Variants in RNGTT observed in about 807,000 individuals in gnomAD.
RNGTT encodes RNA guanylyltransferase and 5'-phosphatase.
In RNGTT, 33 loss-of-function variants were observed where a neutral mutation model predicts 79.3. The ratio of observed to expected loss-of-function variants is 0.42; its 90% confidence interval spans 0.32 to 0.56. The LOEUF (loss-of-function observed/expected upper bound fraction) is 0.56. Among genes scored for constraint, RNGTT ranks in the 20% least tolerant of loss-of-function variants. The pLI is 0.17. For missense variants in RNGTT, 497 were observed against 739.1 expected (o/e 0.67, Z 3.80); for synonymous variants, 222 against 235.9 (o/e 0.94, Z 0.54).
In RNGTT at chr6:88,612,829, T is replaced by G; in HGVS notation, c.1684A>C (p.Ile562Leu). The G allele has an allele frequency of 6.2e-7, 1 of 1,613,810 alleles. No homozygotes were observed. The highest frequency in any genetic ancestry group is 8.5e-7 in the Non-Finnish European group (1 of 1,179,960). ...TGAGAAGCTGCAGTACATCTGTCGATGAACTCAAACAGCATCTCCTTGGTG... is the reference window on the plus strand; with the variant it reads ...TGAGAAGCTGCAGTACATCTGTCGAGGAACTCAAACAGCATCTCCTTGGTG... ...PVTKEMLFEF[I>L]DRCTAASQGQ... Residue 562 changes from isoleucine (I) to leucine (L), a missense_variant, in exon 16 of 16, where the codon ATC becomes CTC. Coordinates refer to ENST00000369485, the MANE Select transcript of RNGTT (RefSeq NM_003800.5).
chr6:88,731,187 TAAAAAC>T lies in RNGTT; in HGVS notation c.1439+38581_1439+38586del, dbSNP rs1333571487. Among the ~76,000 whole-genome samples, 3 of 151,504 alleles carry T rather than the reference TAAAAAC, an allele frequency of 2.0e-5. No homozygotes were observed. The East Asian group carries it at 5.8e-4, about 29-fold the overall frequency. On this transcript the variant is annotated intron_variant, in intron 13 of 15. Coordinates refer to ENST00000369485, the MANE Select transcript of RNGTT (RefSeq NM_003800.5). ...GAATAAAAGCCCCCCCAAAAAAACATAAAAACAAGGACAAAACAAAAAACAAAAAGC... is the reference window on the plus strand; with the variant it reads ...GAATAAAAGCCCCCCCAAAAAAACATAAGGACAAAACAAAAAACAAAAAGC...
At chr6:88,615,086 ACG>A (rs777075900) in intron 14 of RNGTT, among the ~76,000 whole-genome samples, 2 of 152,216 alleles carry the variant, frequency 1.3e-5, no homozygotes, top group Non-Finnish European at 2.9e-5. Context: ...CATGGTAACT[ACG>A]AACCTTTTAA....
At chr6:88,813,991 G>C (rs115741840) in intron 11 of RNGTT, among the ~76,000 whole-genome samples, 1,986 of 152,198 alleles carry the variant, frequency 0.013, 38 homozygotes, top group African/African-American at 0.045. Flanking sequence ...GAATAACACA[G>C]TGCAAGAATC....
chr6:88,877,700 G>C (rs1300355741), intron 8 of RNGTT, among the ~76,000 whole-genome samples: 3 of 152,120 alleles, frequency 2.0e-5, no homozygotes, highest in Non-Finnish European at 4.4e-5. Context: ...GAGTCAAAGA[G>C]TCCTTCTTTT....
At chr6:88,901,087 A>G (rs1269149312) in intron 6 of RNGTT, among the ~76,000 whole-genome samples, 1 of 151,866 alleles carries the variant, frequency 6.6e-6, no homozygotes, top group Admixed American at 6.6e-5. Context: ...GCTTGCAGTG[A>G]GCCAAGATCG....
chr6:88,755,863 A>C (rs780705434), intron 13 of RNGTT, among the ~76,000 whole-genome samples: 10 of 146,930 alleles, frequency 6.8e-5, no homozygotes, highest in Non-Finnish European at 1.2e-4. Flanking sequence ...TAGGAGGCTG[A>C]GGCAGAGAAC....
At chr6:88,782,236 C>T (rs1779088240) in intron 12 of RNGTT, among the ~76,000 whole-genome samples, 1 of 152,056 alleles carries the variant, frequency 6.6e-6, no homozygotes. Context: ...TTCAATCTAA[C>T]ATAGTACCCT....
intron 12 of RNGTT, among the ~76,000 whole-genome samples, chr6:88,801,213 A>G (rs960252009): frequency 2.0e-5 from 3 of 152,214 alleles, no homozygotes; most frequent in Non-Finnish European, 2.9e-5. Flanking sequence ...AAGTATACCA[A>G]GTTACAAAAG....
At position 88,671,983 on chromosome 6, in the gene RNGTT, A is replaced by G. The variant is rs149867280; in HGVS notation, c.1506+6370T>C. ...AACTCAAGACAGATTAAAGACTTAAATTTAAGACCTGAAACCATAAACATT... is the reference window on the plus strand; with the variant it reads ...AACTCAAGACAGATTAAAGACTTAAGTTTAAGACCTGAAACCATAAACATT... On this transcript the variant is annotated intron_variant, in intron 14 of 15. Transcript: ENST00000369485. 2.0e-3 allele frequency among the ~76,000 whole-genome samples: 312 copies of G among 152,284 alleles called. 2 individuals carry two copies. Among genetic ancestry groups the G allele is most frequent in the African/African-American group, 7.3e-3 (305 of 41,554 alleles).
chr6:88,950,401 T>C (rs964934742), intron 1 of RNGTT, among the ~76,000 whole-genome samples: 1 of 152,118 alleles, frequency 6.6e-6, no homozygotes, highest in Non-Finnish European at 1.5e-5. Flanking sequence ...GGTCTTATTA[T>C]TTAAGAAATA....
At chr6:88,883,713 C>T (rs891724009) in intron 8 of RNGTT, among the ~76,000 whole-genome samples, 1 of 151,884 alleles carries the variant, frequency 6.6e-6, no homozygotes. Context: ...TGAGAGAATT[C>T]TTCTTCAATC....
intron 13 of RNGTT, among the ~76,000 whole-genome samples, chr6:88,748,702 G>A (rs190541127): frequency 6.6e-6 from 1 of 151,952 alleles, no homozygotes; most frequent in East Asian, 1.9e-4. Context: ...AATAGTAACT[G>A]CAAATACAGA....
chr6:88,616,525 A>T (rs2756370), intron 14 of RNGTT, among the ~76,000 whole-genome samples: 32,847 of 150,278 alleles, frequency 0.22, 4,141 homozygotes, highest in African/African-American at 0.37. Flanking sequence ...TTTTTTTTTT[A>T]AAAAAAATTG....
intron 6 of RNGTT, among the ~76,000 whole-genome samples, chr6:88,904,308 A>G (rs186736747): frequency 1.8e-3 from 276 of 152,326 alleles, no homozygotes; most frequent in Non-Finnish European, 3.2e-3. Flanking sequence ...CACAGTGGCT[A>G]ATGCCAGTAA....
chr6:88,951,277 T>C (rs1211041709), intron 1 of RNGTT, among the ~76,000 whole-genome samples: 1 of 152,162 alleles, frequency 6.6e-6, no homozygotes, highest in Non-Finnish European at 1.5e-5. Context: ...TTTCCTGATA[T>C]GGAATCTAGC....
intron 13 of RNGTT, among the ~76,000 whole-genome samples, chr6:88,720,643 A>G (rs1158831627): frequency 6.6e-6 from 1 of 152,134 alleles, no homozygotes; most frequent in East Asian, 1.9e-4. Flanking sequence ...GGTATTTGCT[A>G]TGTCATTAAT....
chr6:88,952,827 G>A (rs1365357223), intron 1 of RNGTT, among the ~76,000 whole-genome samples: 1 of 152,088 alleles, frequency 6.6e-6, no homozygotes, highest in African/African-American at 2.4e-5. Context: ...CTTAGGGCCT[G>A]GTAACTCCAC....
At chr6:88,692,046 A>T (rs1775500904) in intron 13 of RNGTT, among the ~76,000 whole-genome samples, 1 of 152,194 alleles carries the variant, frequency 6.6e-6, no homozygotes, top group Non-Finnish European at 1.5e-5. Context: ...AAGAAACATA[A>T]CTACATTAAA....
intron 2 of RNGTT, among the ~76,000 whole-genome samples, chr6:88,933,103 G>A (rs1165794056): frequency 1.3e-5 from 2 of 151,936 alleles, no homozygotes; most frequent in Non-Finnish European, 1.5e-5. Flanking sequence ...GAAAAAAAAA[G>A]GCAAGAGAAA....
Sources: gnomAD v4.1 joint callset for allele counts (sites outside exome capture counted in the v4.1 genomes callset) on GRCh38, gnomAD v4.1.1 for gene constraint, MANE v1.5 for transcripts, NCBI Gene and HGNC (gene_info 2026-07-23, HGNC 2026-07-21) for gene names.